The following APOB variants were observed in gnomAD, a reference collection of about 807,000 sequenced individuals.
The protein encoded by APOB is apolipoprotein B.
Under a neutral mutation model 314.1 loss-of-function variants are expected in APOB, and 153 were observed. The observed-to-expected ratio is 0.49, with a 90% CI of 0.43 to 0.56. The LOEUF (loss-of-function observed/expected upper bound fraction) is 0.56. Among genes scored for constraint, APOB ranks in the 20% least tolerant of loss-of-function variants. The pLI is 0.00. For missense variants in APOB, 5,430 were observed against 5,350.7 expected, an observed-to-expected ratio of 1.01 and a Z score of -0.46; for synonymous variants, 2,087 against 2,036.4, an observed-to-expected ratio of 1.02 and a Z score of -0.67.
Position 21,005,140 on chromosome 2 carries a change from C to T in APOB, c.11728G>A (p.Glu3910Lys). The T allele has an allele frequency of 2.5e-6, 4 of 1,613,994 alleles. No homozygotes were observed. Residue 3910 changes from glutamate (E) to lysine (K), a missense_variant, in exon 26 of 29, where the codon GAA becomes AAA. This residue lies in a region of APOB where 3,281 missense variants were observed against 3,171.0 expected (regional missense o/e 1.03). Coordinates refer to ENST00000233242, the MANE Select transcript of APOB (RefSeq NM_000384.3). ...CTGCATGTGGAATCCAGGACTGTTTCAACATAATCTGCTTTGTTTTTCAAA... is the reference window on the plus strand; with the variant it reads ...CTGCATGTGGAATCCAGGACTGTTTTAACATAATCTGCTTTGTTTTTCAAA... The part of the protein sequence containing the change: ...ASLKNKADYV[E>K]TVLDSTCSST...
In APOB at chr2:21,011,773, G is replaced by A. The variant is rs138709653; in HGVS notation, c.5095C>T (p.Leu1699=). ...TCTGTGAGGGCGGCTTTCCCATCCA[G>A]ACTGAATTTTGCATTGTGTTCCCTG... ...RFREHNAKFS[L]DGKAALTELS... Residue 1699 remains leucine, a synonymous_variant, in exon 26 of 29, where the codon CTG becomes TTG. Transcript: ENST00000233242. The A allele has an allele frequency of 7.4e-6, 12 of 1,613,966 alleles. No homozygotes were observed. The African/African-American group carries it at 1.5e-4, about 20-fold the overall frequency.
Position 21,002,419 on chromosome 2 carries a change from T to C in APOB, c.13003A>G (p.Thr4335Ala), listed in dbSNP as rs1663008876. 3 of 1,601,642 alleles carry C rather than the reference T, an allele frequency of 1.9e-6. No homozygotes were observed. The highest frequency in any genetic ancestry group is 2.6e-6 in the Non-Finnish European group (3 of 1,172,146). Residue 4335 changes from threonine to alanine, a missense_variant, in exon 29 of 29, where the codon ACA (threonine) becomes GCA (alanine). By Grantham distance (58) the Thr-to-Ala change is moderately conservative. Coordinates refer to ENST00000233242, the MANE Select transcript of APOB (RefSeq NM_000384.3). ...TATGGGATATAATCACTGAAGATTG[T>C]GTTGATCTCATCTTGGATATAATTA... Reference protein sequence around the residue: ...LINYIQDEINTIFSDYIPYVF... With the variant: ...LINYIQDEINAIFSDYIPYVF...
intron 23 of APOB, 53 bp from the exon 24 acceptor site, chr2:21,014,646 A>C: frequency 6.3e-7 from 1 of 1,597,434 alleles, no homozygotes; most frequent in Non-Finnish European, 8.6e-7. Flanking sequence ...AGCCTCAAAG[A>C]GCAATGAACA....
chr2:21,029,579 G>C, intron 12 of APOB, 60 bp downstream of exon 12: 4 of 1,581,620 alleles, frequency 2.5e-6, no homozygotes, highest in Non-Finnish European at 2.6e-6. Flanking sequence ...CATTCCCCTA[G>C]TACCTTCCAA....
chr2:21,033,318 G>T lies in APOB; in HGVS notation c.1105C>A (p.Gln369Lys). Residue 369 changes from glutamine (Q) to lysine (K), a missense_variant, in exon 9 of 29, where the codon CAG becomes AAG. Gln to Lys is a moderately conservative substitution (Grantham distance 53). Around this residue, in one of 3 missense-constraint regions of APOB, gnomAD observed 2,085 missense variants for 2,079.7 expected, o/e 1.00. Transcript: ENST00000233242. Reference protein sequence around the residue: ...SDEAVTSLLPQLIEVSSPITL... With the variant: ...SDEAVTSLLPKLIEVSSPITL... The stretch of plus-strand genomic sequence containing the variant: ...AGATACCTGGACACCTCAATCAGCT[G>T]TGGCAAGAGAGATGTGACTGCTTCA... 6.2e-7 allele frequency: 1 copy of T among 1,613,916 alleles called. No individual in the cohort carries two copies. Among genetic ancestry groups the T allele is most frequent in the Non-Finnish European group, 8.5e-7 (1 of 1,179,772 alleles).
In APOB at chr2:21,034,814, A is replaced by T; in HGVS notation, c.904+2T>A. ...AGCAACTATGTGGACAGAAACTCTT[A>T]CCTTCACCAAAGAAGCGGCTGTTGA... On this transcript the variant is annotated splice_donor_variant, in intron 8 of 28. Transcript: ENST00000233242. LOFTEE classifies it high-confidence loss of function. The T allele has an allele frequency of 6.4e-7, 1 of 1,566,800 alleles. No homozygotes were observed. The highest frequency in any genetic ancestry group is 8.8e-7 in the Non-Finnish European group (1 of 1,136,824).
rs1572795940 is a variant in APOB at position 21,028,016 on chromosome 2, C to T, written c.1879G>A (p.Val627Ile). 1 of 1,614,040 alleles carries T rather than the reference C, an allele frequency of 6.2e-7. No individual in the cohort carries two copies. The highest frequency in any genetic ancestry group is 8.5e-7 in the Non-Finnish European group (1 of 1,179,878). ...EALKESQLPT[V>I]MDFRKFSRNY... ...CGAGAGAATTTTCTGAAGTCCATGA[C>T]AGTTGGAAGTTGAGATTCTTTCAGA... Residue 627 changes from valine to isoleucine, a missense_variant, in exon 14 of 29, where the codon GTC (valine) becomes ATC (isoleucine). Val to Ile is a conservative substitution (Grantham distance 29, BLOSUM62 3). Around this residue, in one of 3 missense-constraint regions of APOB, gnomAD observed 2,085 missense variants for 2,079.7 expected, o/e 1.00. Transcript: ENST00000233242.
intron 20 of APOB, 44 bp downstream of exon 20, chr2:21,018,948 G>C: frequency 6.2e-7 from 1 of 1,613,526 alleles, no homozygotes; most frequent in Non-Finnish European, 8.5e-7. Flanking sequence ...TTCTGAACCT[G>C]AGACTGCGAG....
rs72653073 is a variant in APOB at position 21,016,593 on chromosome 2, A to G, written c.3178T>C (p.Leu1060=). 2,139 of 1,612,620 alleles carry G rather than the reference A, an allele frequency of 1.3e-3. 5 individuals are homozygous for G. Among genetic ancestry groups the G allele is most frequent in the Non-Finnish European group, 1.7e-3 (1,948 of 1,178,626 alleles). Residue 1060 remains leucine, a synonymous_variant, in exon 21 of 29, where the codon TTG becomes CTG. Transcript: ENST00000233242. ...TFKYNRQSMT[L]SSEVQIPDFD... The stretch of plus-strand genomic sequence containing the variant: ...TCCGGAATTTGGACTTCACTGGACA[A>G]GGTCATACTCTGCCGATTATATTTG...
At position 21,012,029 on chromosome 2, in the gene APOB, G is replaced by A. The variant is rs1663338027; in HGVS notation, c.4839C>T (p.Ser1613=). Residue 1613 remains serine (S), a synonymous_variant, in exon 26 of 29, where the codon AGC becomes AGT. Transcript: ENST00000233242. ...GGGAATTTAGTGATCCAGAAAGCAG[G>A]CTGAAGAACCTCAATGACTCGTAAT... ...QADYESLRFF[S]LLSGSLNSHG... is the part of the protein sequence containing the mutation. 1.9e-6 allele frequency: 3 copies of A among 1,614,192 alleles called. No individual in the cohort carries two copies. Among genetic ancestry groups the A allele is most frequent in the Admixed American group, 1.7e-5 (1 of 60,020 alleles).
intron 16 of APOB, 61 bp downstream of exon 16, chr2:21,024,872 G>A (rs1241531909): frequency 6.4e-7 from 1 of 1,562,732 alleles, no homozygotes; most frequent in Non-Finnish European, 8.8e-7. Context: ...GGGAGTCTGG[G>A]CGATCTAAAA....
At position 21,002,487 on chromosome 2, in the gene APOB, T is replaced by A. The variant is rs749528138; in HGVS notation, c.12935A>T (p.Asp4312Val). 1 of 1,611,730 alleles carries A rather than the reference T, an allele frequency of 6.2e-7. No homozygotes were observed. The highest frequency in any genetic ancestry group is 2.2e-5 in the East Asian group (1 of 44,856). ...CATCTCTTTCAGCTGTTTAATGTTATCTTCTATTAGTTGGAAAATGAATTG... is the reference window on the plus strand; with the variant it reads ...CATCTCTTTCAGCTGTTTAATGTTAACTTCTATTAGTTGGAAAATGAATTG... ...LLQFIFQLIE[D>V]NIKQLKEMKF... is the part of the protein sequence containing the mutation. Residue 4312 changes from aspartate (D) to valine (V), a missense_variant, in exon 29 of 29, where the codon GAT becomes GTT. Around this residue, in one of 3 missense-constraint regions of APOB, gnomAD observed 3,281 missense variants for 3,171.0 expected, o/e 1.03. Coordinates refer to ENST00000233242, the MANE Select transcript of APOB (RefSeq NM_000384.3).
In APOB at chr2:21,008,168, G is replaced by T; in HGVS notation, c.8700C>A (p.Phe2900Leu). ...FHKLNIPKLD[F>L]SSQADLRNEI... ...CGTTGCGCAGGTCAGCCTGACTAGA[G>T]AAGTCCAGTTTGGGGATGTTCAATT... Residue 2900 changes from phenylalanine to leucine, a missense_variant, in exon 26 of 29, where the codon TTC becomes TTA. Phe to Leu is a conservative substitution (Grantham distance 22). Transcript: ENST00000233242. 1 of 1,614,086 alleles carries T rather than the reference G, an allele frequency of 6.2e-7. No homozygotes were observed. Among genetic ancestry groups the T allele is most frequent in the Non-Finnish European group, 8.5e-7 (1 of 1,179,990 alleles).
chr2:21,033,153 C>T (rs1480252169), intron 9 of APOB, 146 bp downstream of exon 9: 2 of 692,564 alleles, frequency 2.9e-6, no homozygotes, highest in East Asian at 5.4e-5. Context: ...TGATAGTTCT[C>T]TATCCAGCAA....
At chr2:21,022,800 C>G in intron 18 of APOB, 31 bp downstream of exon 18, 1 of 1,608,386 alleles carries the variant, frequency 6.2e-7, no homozygotes, top group South Asian at 1.1e-5. Flanking sequence ...CTCTTTCAAA[C>G]TGGCTAGGCA....
Position 21,013,178 on chromosome 2 carries a change from G to A in APOB, c.4198C>T (p.Leu1400Phe), listed in dbSNP as rs1284138968. 1 of 1,613,898 alleles carries A rather than the reference G, an allele frequency of 6.2e-7. No individual in the cohort carries two copies. The highest frequency in any genetic ancestry group is 1.3e-5 in the African/African-American group (1 of 74,932). The change falls in exon 25 of 29, where the codon CTT (leucine) becomes TTT (phenylalanine). Residue 1400 changes from leucine to phenylalanine, a missense_variant. Transcript: ENST00000233242. ...HMKADSVVDL[L>F]SYNVQGSGET... ...AGCTCACCTTGCACATTGTAGGAAA[G>A]CAGGTCAACCACAGAGTCAGCCTTC...
At position 21,008,554 on chromosome 2, in the gene APOB, C is replaced by G. The variant is rs577157373; in HGVS notation, c.8314G>C (p.Asp2772His). Residue 2772 changes from aspartate to histidine, a missense_variant, in exon 26 of 29, where the codon GAT becomes CAT. This residue lies in a region of APOB where 3,281 missense variants were observed against 3,171.0 expected (regional missense o/e 1.03). Transcript: ENST00000233242. ...CCATTCCCTATGTCAGCATTTGCAT[C>G]TAATGTGAAAAGAGGAGATTGGATT... Reference protein sequence around the residue: ...LKIQSPLFTLDANADIGNGTT... With the variant: ...LKIQSPLFTLHANADIGNGTT... The G allele has an allele frequency of 6.2e-7, 1 of 1,614,032 alleles. No homozygotes were observed. Among genetic ancestry groups the G allele is most frequent in the East Asian group, 2.2e-5 (1 of 44,870 alleles).
At position 21,025,067 on chromosome 2, in the gene APOB, T is replaced by C. The variant is rs1553385712; in HGVS notation, c.2302A>G (p.Lys768Glu). 14 of 1,614,256 alleles carry C rather than the reference T, an allele frequency of 8.7e-6. No homozygotes were observed. Among genetic ancestry groups the C allele is most frequent in the Non-Finnish European group, 1.1e-5 (13 of 1,180,038 alleles). ...VEKLIKDLKS[K>E]EVPEARAYLR... ...TAGGCTCTGGCTTCCGGGACTTCTT[T>C]GGATTTCAAATCTTTAATCAGCTTC... Residue 768 changes from lysine to glutamate, a missense_variant, in exon 16 of 29, where the codon AAA (lysine) becomes GAA (glutamate). Lys to Glu is a moderately conservative substitution (Grantham distance 56, BLOSUM62 1). Around this residue, in one of 3 missense-constraint regions of APOB, gnomAD observed 2,085 missense variants for 2,079.7 expected, o/e 1.00. Coordinates refer to ENST00000233242, the MANE Select transcript of APOB (RefSeq NM_000384.3).
At position 21,011,010 on chromosome 2, in the gene APOB, T is replaced by A. The variant is rs1663300842; in HGVS notation, c.5858A>T (p.His1953Leu). The A allele has an allele frequency of 6.2e-7, 1 of 1,614,056 alleles. No homozygotes were observed. The highest frequency in any genetic ancestry group is 1.1e-5 in the South Asian group (1 of 91,094). The change falls in exon 26 of 29, where the codon CAT (histidine) becomes CTT (leucine). Residue 1953 changes from histidine to leucine, a missense_variant. This residue lies in a region of APOB where 3,281 missense variants were observed against 3,171.0 expected (regional missense o/e 1.03). Coordinates refer to ENST00000233242, the MANE Select transcript of APOB (RefSeq NM_000384.3). ...ACTGATGCTTTTCCTAGACACGAGA[T>A]GATGACTTGTGGAGCCTTTGTAATC... is the stretch of plus-strand genomic sequence containing the variant. ...SHDYKGSTSHHLVSRKSISAA... is the reference protein window; with the variant it reads ...SHDYKGSTSHLLVSRKSISAA...
Sources: gnomAD v4.1 joint callset for allele counts on GRCh38, gnomAD v4.1.1 for gene constraint, gnomAD v4.1.1 regional missense constraint, MANE v1.5 for transcripts, NCBI Gene and HGNC (gene_info 2026-07-23, HGNC 2026-07-21) for gene names.